Variants in CCDC22 observed in about 807,000 individuals in gnomAD.
CCDC22 encodes CCC complex scaffolding subunit CCDC22.
In CCDC22, 4 loss-of-function variants were observed where a neutral mutation model predicts 53.1. The ratio of observed to expected loss-of-function variants is 0.08; its 90% CI spans 0.04 to 0.17. The LOEUF (loss-of-function observed/expected upper bound fraction) is 0.17. Ranked by LOEUF, CCDC22 falls within the 10% of genes least tolerant of loss-of-function variation. The pLI, the probability that CCDC22 is intolerant of heterozygous loss-of-function variation, is 1.00. For missense variants in CCDC22, 458 were observed against 554.0 expected, an observed-to-expected ratio of 0.83 and a Z score of 1.74; for synonymous variants, 222 against 224.4, an observed-to-expected ratio of 0.99 and a Z score of 0.10.
chrX:49,241,884 G>T, intron 2 of CCDC22, 132 bp from the exon 3 acceptor site: 1 of 656,970 alleles, frequency 1.5e-6, no homozygotes. Flanking sequence ...AGGGCCCAGA[G>T]GCCTTGGGGA....
At position 49,246,619 on chromosome X, in the gene CCDC22, G is replaced by A. The variant is rs781899237; in HGVS notation, c.715-112G>A. On this transcript the variant is annotated intron_variant, in intron 6 of 16. Transcript: ENST00000376227. ...GCCTGCCTTAGTGGGAAGGCTGGAG[G>A]GTGGGGGTGACTTGTCAGTATACTC... The A allele has an allele frequency of 3.1e-5, 19 of 613,710 alleles. No homozygotes were observed. The African/African-American group carries it at 3.4e-4, about 11-fold the overall frequency. The allele number at this position is 613,710 out of a possible 1,213,427, so 50.6% of individuals were successfully genotyped here.
rs1465920242 is a variant in CCDC22, at chrX:49,242,013, C to T, written c.229-3C>T. ...TTCCTGATAGCCGCCCACCAACCCT[C>T]AGGACCTGGGCTATCCCTTGGAGCT... On this transcript the variant is annotated splice_region_variant and splice_polypyrimidine_tract_variant and intron_variant, in intron 2 of 16. Coordinates refer to ENST00000376227, the MANE Select transcript of CCDC22 (RefSeq NM_014008.5). 4 of 1,210,373 alleles carry T rather than the reference C, an allele frequency of 3.3e-6. No homozygotes were observed. The highest frequency in any genetic ancestry group is 4.5e-6 in the Non-Finnish European group (4 of 894,912).
Position 49,243,005 on chromosome X carries a change from A to G in CCDC22, c.468+13A>G. 8.9e-7 allele frequency: 1 copy of G among 1,128,395 alleles called. No homozygotes were observed. The highest frequency in any genetic ancestry group is 1.2e-6 in the Non-Finnish European group (1 of 844,966). The allele number at this position is 1,128,395 out of a possible 1,213,427, so 93.0% of individuals were successfully genotyped here. ...GCAGCACCTCCAGGTGAGACCCCTG[A>G]CTCCCATGGATCTTCTCTTGTCCCC... On this transcript the variant is annotated intron_variant, in intron 4 of 16. Coordinates refer to ENST00000376227, the MANE Select transcript of CCDC22 (RefSeq NM_014008.5).
At chrX:49,246,540 A>G (rs1192018353) in intron 6 of CCDC22, among the ~76,000 whole-genome samples, 191 bp from the exon 7 acceptor site, 2 of 111,985 alleles carry the variant, frequency 1.8e-5, no homozygotes, top group Non-Finnish European at 3.8e-5. Context: ...GAGCAAGAGG[A>G]GACCCCTGTC....
intron 2 of CCDC22, among the ~76,000 whole-genome samples, chrX:49,237,618 G>A (rs782210284): frequency 1.4e-4 from 16 of 111,403 alleles, no homozygotes; most frequent in Non-Finnish European, 2.6e-4. Flanking sequence ...TGGCTTCTAT[G>A]TTTTAAATTT....
Position 49,246,726 on chromosome X carries a change from C to T in CCDC22, c.715-5C>T. 2 of 1,139,176 alleles carry T rather than the reference C, an allele frequency of 1.8e-6. No homozygotes were observed. The highest frequency in any genetic ancestry group is 2.3e-6 in the Non-Finnish European group (2 of 858,943). 93.9% of individuals were successfully genotyped at this position (1,139,176 alleles called of 1,213,427 possible). A position where few individuals can be genotyped will look rare whatever the true frequency, so the allele number is the denominator to read the frequency against. ...CTTCCTGCTTCCCCCGCCTTTTCTC[C>T]CCAGGAGGACACACGGGCTCAGCGG... On this transcript the variant is annotated splice_region_variant and splice_polypyrimidine_tract_variant and intron_variant, in intron 6 of 16. Transcript: ENST00000376227.
chrX:49,248,045 C>A, intron 9 of CCDC22, 146 bp from the exon 10 acceptor site: 1 of 1,067,763 alleles, frequency 9.4e-7, no homozygotes. Context: ...ACCCACGGGT[C>A]TGCATGGACA....
intron 7 of CCDC22, 55 bp from the exon 8 acceptor site, chrX:49,247,441 C>T: frequency 9.1e-7 from 1 of 1,100,486 alleles, no homozygotes; most frequent in Non-Finnish European, 1.2e-6. Context: ...GAGGCTGGGC[C>T]ACGTGAGGAA....
intron 6 of CCDC22, among the ~76,000 whole-genome samples, chrX:49,245,980 TTTG>T (rs1439225794): frequency 6.3e-4 from 68 of 108,380 alleles, no homozygotes; most frequent in Admixed American, 2.0e-3. Context: ...TTGTTTTTTT[TTTG>T]TTTTTTTTTG....
At position 49,235,861 on chromosome X, in the gene CCDC22, A is replaced by ACACACACACG. The variant is rs1317193784; in HGVS notation, c.50+178_50+179insACACACGCAC. Among the ~76,000 whole-genome samples, 744 of 105,761 alleles carry ACACACACACG rather than the reference A, an allele frequency of 7.0e-3. 6 individuals are homozygous for ACACACACACG. The highest frequency in any genetic ancestry group is 0.025 in the African/African-American group (705 of 28,423). 91.8% of individuals were successfully genotyped at this position (105,761 alleles called of 115,157 possible). A position where few individuals can be genotyped will look rare whatever the true frequency, so the allele number is the denominator to read the frequency against. On this transcript the variant is annotated intron_variant, in intron 1 of 16. Transcript: ENST00000376227. Reference sequence around the variant, plus strand: ...CACACACACACACACACACACACACACACGCACACACACACCGCCCTCCCT... The same window carrying ACACACACACG: ...CACACACACACACACACACACACACACACACACACGCACGCACACACACACCGCCCTCCCT...
At chrX:49,243,224 G>T (rs1557113660) in intron 5 of CCDC22, 40 bp downstream of exon 5, 3 of 1,200,349 alleles carry the variant, frequency 2.5e-6, no homozygotes, top group Non-Finnish European at 3.4e-6. Flanking sequence ...GAGGAAGGTG[G>T]GGGGGAACCT....
intron 2 of CCDC22, among the ~76,000 whole-genome samples, 173 bp from the exon 3 acceptor site, chrX:49,241,843 C>T (rs112143046): frequency 1.6e-4 from 18 of 111,618 alleles, no homozygotes; most frequent in African/African-American, 5.2e-4. Context: ...TTCTCTGTAG[C>T]GTTGACTATC....
Position 49,247,785 on chromosome X carries a change from G to A in CCDC22, c.1092+17G>A, listed in dbSNP as rs1474709363. The A allele has an allele frequency of 9.9e-6, 12 of 1,208,854 alleles. No homozygotes were observed. The highest frequency in any genetic ancestry group is 1.1e-5 in the Non-Finnish European group (10 of 894,552). ...TTTGTGCAGGTAAGGGGCGGAGGAGGGGCTGCGCGTTGGGCTAGGTCAGAA... is the reference window on the plus strand; with the variant it reads ...TTTGTGCAGGTAAGGGGCGGAGGAGAGGCTGCGCGTTGGGCTAGGTCAGAA... On this transcript the variant is annotated intron_variant, in intron 9 of 16. Coordinates refer to ENST00000376227, the MANE Select transcript of CCDC22 (RefSeq NM_014008.5).
intron 2 of CCDC22, among the ~76,000 whole-genome samples, 184 bp downstream of exon 2, chrX:49,237,447 C>T (rs2065943128): frequency 8.9e-6 from 1 of 112,385 alleles, no homozygotes; most frequent in African/African-American, 3.2e-5. Context: ...GACTGTACTG[C>T]CAAACTGCCT....
chrX:49,248,089 A>C, intron 9 of CCDC22, 102 bp from the exon 10 acceptor site: 3 of 1,181,100 alleles, frequency 2.5e-6, no homozygotes, highest in Non-Finnish European at 3.4e-6. Flanking sequence ...CCTTGGCACC[A>C]GCGTGGAGCT....
intron 3 of CCDC22, 194 bp downstream of exon 3, chrX:49,242,342 G>C (rs1380972552): frequency 2.7e-6 from 2 of 747,907 alleles, no homozygotes; most frequent in East Asian, 3.1e-4. Flanking sequence ...GGCTGAGGTT[G>C]AGCTGACCCC....
Position 49,248,500 on chromosome X carries a change from C to A in CCDC22, c.1306C>A (p.Arg436=). Residue 436 remains arginine, a synonymous_variant, in exon 11 of 17, where the codon CGA becomes AGA. Coordinates refer to ENST00000376227, the MANE Select transcript of CCDC22 (RefSeq NM_014008.5). ...ACTCCTCGCTGAGTACCGCCACCTCCGAAAGCTGCAGGATTGCAGAGAGGT... is the reference window on the plus strand; with the variant it reads ...ACTCCTCGCTGAGTACCGCCACCTCAGAAAGCTGCAGGATTGCAGAGAGGT... ...VPLLAEYRHL[R]KLQDCRELES... 3 of 1,209,711 alleles carry A rather than the reference C, an allele frequency of 2.5e-6. No homozygotes were observed. The highest frequency in any genetic ancestry group is 2.3e-4 in the Middle Eastern group (1 of 4,346).
chrX:49,243,173 G>A lies in CCDC22; in HGVS notation c.524G>A (p.Ser175Asn). 8.3e-7 allele frequency: 1 copy of A among 1,211,587 alleles called. No homozygotes were observed. The highest frequency in any genetic ancestry group is 1.1e-6 in the Non-Finnish European group (1 of 895,107). The change falls in exon 5 of 17, where the codon AGT becomes AAT. Residue 175 changes from serine (S) to asparagine (N), a missense_variant. Ser to Asn is a conservative substitution (Grantham distance 46). This residue lies in a region of CCDC22 where 309 missense variants were observed against 312.3 expected (regional missense o/e 0.99). Transcript: ENST00000376227. ...HASRLVVPEL[S>N]SRGEPREFQA... ...AGCAGGCTGGTCGTGCCAGAATTGA[G>A]TTCCAGAGGTGGTGAGCATGAGGCT... is the stretch of plus-strand genomic sequence containing the variant.
At chrX:49,247,297 G>C (rs914582409) in intron 7 of CCDC22, among the ~76,000 whole-genome samples, 199 bp from the exon 8 acceptor site, 2 of 112,697 alleles carry the variant, frequency 1.8e-5, no homozygotes, top group African/African-American at 3.2e-5. Flanking sequence ...ACAGGGTCAG[G>C]GAGATTTCTC....
Sources: gnomAD v4.1 joint callset for allele counts (sites outside exome capture counted in the v4.1 genomes callset) on GRCh38, gnomAD v4.1.1 for gene constraint, gnomAD v4.1.1 regional missense constraint, MANE v1.5 for transcripts, NCBI Gene and HGNC (gene_info 2026-07-23, HGNC 2026-07-21) for gene names.